Variants in MEF2B observed in about 807,000 individuals in gnomAD.
The protein encoded by MEF2B is myocyte-specific enhancer factor 2B.
A neutral mutation model predicts 32.2 loss-of-function variants in MEF2B; 15 were observed. That is an observed-to-expected ratio of 0.47 (90% CI 0.31 to 0.72). The LOEUF (loss-of-function observed/expected upper bound fraction) is 0.72, where lower values mean the gene tolerates loss of function less well. Ranked by LOEUF, MEF2B falls within the 30% of genes least tolerant of loss-of-function variation. The pLI is 0.05. For synonymous variants in MEF2B, 205 were observed against 225.6 expected (o/e 0.91, Z 0.82); for missense variants, 441 against 511.5 (o/e 0.86, Z 1.33).
At chr19:19,148,401 G>C (rs1453008520) in intron 3 of MEF2B, among the ~76,000 whole-genome samples, 1 of 152,220 alleles carries the variant, frequency 6.6e-6, no homozygotes, top group Non-Finnish European at 1.5e-5. Context: ...AGAGGCGGAG[G>C]TTGCGGTGAG....
rs370898804 is a variant in MEF2B, at chr19:19,145,580, C to T, written c.*217G>A. The stretch of plus-strand genomic sequence containing the variant: ...AGTCACAGTCAGTCTGGTCCACGGA[C>T]GCCACGCGCGTTTTATTTGTGGATA... On this transcript the variant is annotated 3_prime_UTR_variant, in exon 9 of 9. Transcript: ENST00000424583. This position sits in a 1 kb window ranked among gnomAD's most constrained non-coding sequence, Gnocchi z 4.6. The T allele has an allele frequency of 9.8e-6, 11 of 1,125,146 alleles. No homozygotes were observed. The highest frequency in any genetic ancestry group is 9.6e-5 in the African/African-American group (6 of 62,580). The allele number at this position is 1,125,146 out of a possible 1,614,324, so 69.7% of individuals were successfully genotyped here. A position where few individuals can be genotyped will look rare whatever the true frequency, so the allele number is the denominator to read the frequency against.
intron 1 of MEF2B, among the ~76,000 whole-genome samples, chr19:19,163,353 T>C (rs898758857): frequency 9.2e-5 from 14 of 152,046 alleles, no homozygotes; most frequent in African/African-American, 3.4e-4. Context: ...TCTCCCTGTG[T>C]TGCCCAGGCT....
At chr19:19,162,045 T>C (rs2060168241) in intron 1 of MEF2B, among the ~76,000 whole-genome samples, 1 of 152,152 alleles carries the variant, frequency 6.6e-6, no homozygotes, top group Non-Finnish European at 1.5e-5. Flanking sequence ...TGGCCTCATG[T>C]GATCTGCCTA....
chr19:19,158,358 A>G (rs1206171838), intron 1 of MEF2B, among the ~76,000 whole-genome samples: 1 of 114,298 alleles, frequency 8.7e-6, no homozygotes, highest in African/African-American at 3.3e-5. Context: ...AAGTGCTGGG[A>G]TTACAGGCGT....
At chr19:19,148,695 A>G (rs1174292957) in intron 3 of MEF2B, among the ~76,000 whole-genome samples, 1 of 149,724 alleles carries the variant, frequency 6.7e-6, no homozygotes, top group Non-Finnish European at 1.5e-5. Context: ...TTATTTATTT[A>G]TTTATTTATT....
chr19:19,150,265 C>G (rs1160306236), intron 2 of MEF2B, among the ~76,000 whole-genome samples: 4 of 150,378 alleles, frequency 2.7e-5, no homozygotes, highest in Admixed American at 2.7e-4. Flanking sequence ...CGCGGTGGCT[C>G]ACGCCTGTAA....
intron 3 of MEF2B, 140 bp downstream of exon 3, chr19:19,149,086 C>T: frequency 1.8e-6 from 2 of 1,109,890 alleles, no homozygotes; most frequent in Non-Finnish European, 2.6e-6. Context: ...AGGGTCCCTT[C>T]TAGGGACAGC....
At position 19,149,402 on chromosome 19, in the gene MEF2B, G is replaced by A. The variant is rs759640726; in HGVS notation, c.82C>T (p.Leu28=). 5.0e-6 allele frequency: 8 copies of A among 1,613,916 alleles called. No individual in the cohort carries two copies. The Admixed American group carries it at 8.3e-5, about 17-fold the overall frequency. ...CTCAGCTCATAGGCCTTCTTCATCAGCCCGAACTTCCGCTTGGTGAACGTC... is the reference window on the plus strand; with the variant it reads ...CTCAGCTCATAGGCCTTCTTCATCAACCCGAACTTCCGCTTGGTGAACGTC... ...QVTFTKRKFG[L]MKKAYELSVL... Residue 28 remains leucine, a synonymous_variant, in exon 3 of 9, where the codon CTG becomes TTG. Coordinates refer to ENST00000424583, the MANE Select transcript of MEF2B (RefSeq NM_001145785.2).
intron 1 of MEF2B, chr19:19,156,890 CCA>C (rs1409081431): frequency 6.6e-6 from 1 of 152,040 alleles, no homozygotes; most frequent in African/African-American, 2.4e-5. Context: ...CTGGCTACTC[CCA>C]GATACTTCCA....
intron 1 of MEF2B, among the ~76,000 whole-genome samples, chr19:19,160,526 A>G (rs555129580): frequency 6.6e-6 from 1 of 151,608 alleles, no homozygotes; most frequent in African/African-American, 2.4e-5. Context: ...TGGGGGGATG[A>G]GCTGCAGAGT....
chr19:19,161,480 C>T (rs967949923), intron 1 of MEF2B, among the ~76,000 whole-genome samples: 5 of 151,954 alleles, frequency 3.3e-5, no homozygotes, highest in Non-Finnish European at 5.9e-5. Context: ...CCCCCCAACC[C>T]ACACAGCTCT....
In MEF2B at chr19:19,146,548, G is replaced by T. The variant is rs2060027542; in HGVS notation, c.769+7C>A. On this transcript the variant is annotated splice_region_variant and intron_variant, in intron 7 of 8. Coordinates refer to ENST00000424583, the MANE Select transcript of MEF2B (RefSeq NM_001145785.2). ...CCAGGTGGGGCAGGGCAGGTTAGGGGATGTACCTGGGGGGCCTCCGGGGAG... is the reference window on the plus strand; with the variant it reads ...CCAGGTGGGGCAGGGCAGGTTAGGGTATGTACCTGGGGGGCCTCCGGGGAG... The T allele has an allele frequency of 3.2e-6, 5 of 1,549,818 alleles. 1 individual carries two copies. The East Asian group carries it at 1.2e-4, about 37-fold the overall frequency.
chr19:19,164,896 C>T (rs1871934846), intron 1 of MEF2B, among the ~76,000 whole-genome samples: 1 of 149,492 alleles, frequency 6.7e-6, no homozygotes, highest in Non-Finnish European at 1.5e-5. Flanking sequence ...CAAGGTTTTC[C>T]TCTCTTTGTT....
At chr19:19,147,657 TA>T (rs1438550249) in intron 4 of MEF2B, 40 bp downstream of exon 4, 46 of 1,601,912 alleles carry the variant, frequency 2.9e-5, no homozygotes, top group Middle Eastern at 1.7e-4. Flanking sequence ...GCCTAGGAAG[TA>T]GGAGGAATGC....
intron 1 of MEF2B, among the ~76,000 whole-genome samples, chr19:19,153,635 T>C (rs1357534459): frequency 6.6e-6 from 1 of 152,116 alleles, no homozygotes; most frequent in Non-Finnish European, 1.5e-5. Context: ...TTTTGTATTT[T>C]TAGTAGAGAC....
intron 3 of MEF2B, 92 bp downstream of exon 3, chr19:19,149,134 C>T: frequency 6.8e-7 from 1 of 1,473,030 alleles, no homozygotes; most frequent in Admixed American, 2.0e-5. Flanking sequence ...CAGATGAAGA[C>T]ACTCATCTTT....
At chr19:19,163,533 G>A (rs1041429882) in intron 1 of MEF2B, among the ~76,000 whole-genome samples, 3 of 152,046 alleles carry the variant, frequency 2.0e-5, no homozygotes, top group Middle Eastern at 3.2e-3. Context: ...TGAGCATCTC[G>A]CCCTGCCGGC....
chr19:19,150,968 C>T lies in MEF2B; in HGVS notation c.-29-204G>A, dbSNP rs2060075940. ...AGAGGCTCAATGAACATGTTTAGACCAAATGGGGCATGGTGGCTCATGCCT... is the reference window on the plus strand; with the variant it reads ...AGAGGCTCAATGAACATGTTTAGACTAAATGGGGCATGGTGGCTCATGCCT... On this transcript the variant is annotated intron_variant, in intron 1 of 8. Transcript: ENST00000424583. Among the ~76,000 whole-genome samples the T allele has an allele frequency of 2.0e-5, 3 of 152,222 alleles. No individual in the cohort carries two copies. In the South Asian group the frequency reaches 6.2e-4, roughly 32 times the overall value.
intron 1 of MEF2B, among the ~76,000 whole-genome samples, chr19:19,153,323 C>G (rs1298743095): frequency 3.9e-5 from 6 of 152,042 alleles, no homozygotes. Context: ...AAAGTGAGTT[C>G]CAGGCAGAAG....
Sources: gnomAD v4.1 joint callset for allele counts (sites outside exome capture counted in the v4.1 genomes callset) on GRCh38, gnomAD v4.1.1 for gene constraint, Gnocchi (gnomAD v3.1) non-coding constraint, MANE v1.5 for transcripts, NCBI Gene and HGNC (gene_info 2026-07-23, HGNC 2026-07-21) for gene names.